The following NDST3 variants were observed in gnomAD, a reference collection of about 807,000 sequenced individuals.
NDST3 encodes the protein N-deacetylase and N-sulfotransferase 3.
NDST3 carries 58 observed loss-of-function variants against 96.1 expected under a neutral mutation model. That is an observed-to-expected ratio of 0.60 (90% CI 0.49 to 0.75). NDST3 has a LOEUF of 0.75. Among genes scored for constraint, NDST3 ranks in the 30% least tolerant of loss-of-function variants. The pLI is 0.00. For missense variants in NDST3, 788 were observed against 1,034.2 expected, an observed-to-expected ratio of 0.76 and a Z score of 3.27; for synonymous variants, 333 against 359.7, an observed-to-expected ratio of 0.93 and a Z score of 0.84.
At chr4:118,172,559 A>G (rs1009470156) in intron 6 of NDST3, among the ~76,000 whole-genome samples, 6 of 152,224 alleles carry the variant, frequency 3.9e-5, no homozygotes, top group African/African-American at 7.2e-5. Flanking sequence ...CATAAATGGC[A>G]AAGTTTTAAA....
chr4:118,114,091 G>GA (rs1349185540), intron 3 of NDST3, among the ~76,000 whole-genome samples: 1 of 151,558 alleles, frequency 6.6e-6, no homozygotes, highest in Non-Finnish European at 1.5e-5. Context: ...GACCCTTAAG[G>GA]AAAAAAGAGT....
At chr4:118,096,861 T>G (rs1379588124) in intron 2 of NDST3, among the ~76,000 whole-genome samples, 1 of 151,924 alleles carries the variant, frequency 6.6e-6, no homozygotes, top group African/African-American at 2.4e-5. Flanking sequence ...GGAGAACTGG[T>G]AGTGTGCATT....
intron 2 of NDST3, among the ~76,000 whole-genome samples, chr4:118,103,116 A>C (rs1047045809): frequency 1.3e-5 from 2 of 152,140 alleles, no homozygotes; most frequent in Non-Finnish European, 2.9e-5. Context: ...TGTACATTAA[A>C]AATGCAATCA....
At chr4:118,037,525 T>C (rs1043385918) in intron 1 of NDST3, among the ~76,000 whole-genome samples, 1 of 152,172 alleles carries the variant, frequency 6.6e-6, no homozygotes, top group African/African-American at 2.4e-5. Flanking sequence ...TATACTACAT[T>C]GTCTCTCTAT....
intron 2 of NDST3, among the ~76,000 whole-genome samples, chr4:118,090,337 A>C (rs1728764509): frequency 6.6e-6 from 1 of 152,072 alleles, no homozygotes; most frequent in East Asian, 1.9e-4. Context: ...GCTTTGGGAA[A>C]TCTGTTTAGG....
chr4:118,221,398 TTA>T (rs1739532243), intron 6 of NDST3, among the ~76,000 whole-genome samples: 1 of 152,054 alleles, frequency 6.6e-6, no homozygotes, highest in African/African-American at 2.4e-5. Flanking sequence ...AAGGCATAGT[TTA>T]TAATAAATAA....
At chr4:118,155,024 T>A (rs990986442) in intron 6 of NDST3, among the ~76,000 whole-genome samples, 3 of 152,228 alleles carry the variant, frequency 2.0e-5, no homozygotes, top group African/African-American at 7.2e-5. Flanking sequence ...TCTAATGTAC[T>A]TTTAAAGAAC....
At chr4:118,176,438 C>A (rs1560698500) in intron 6 of NDST3, among the ~76,000 whole-genome samples, 1 of 151,996 alleles carries the variant, frequency 6.6e-6, no homozygotes, top group African/African-American at 2.4e-5. Context: ...ATTATCTAAC[C>A]TTTCATCTTG....
At chr4:118,226,066 T>C (rs1739860688) in intron 7 of NDST3, among the ~76,000 whole-genome samples, 1 of 152,056 alleles carries the variant, frequency 6.6e-6, no homozygotes, top group Non-Finnish European at 1.5e-5. Flanking sequence ...TTATTAAAAA[T>C]AAGCAGAAGT....
intron 2 of NDST3, among the ~76,000 whole-genome samples, chr4:118,086,375 C>T (rs569904922): frequency 2.0e-5 from 3 of 152,222 alleles, no homozygotes; most frequent in African/African-American, 7.2e-5. Context: ...GATCCAGATC[C>T]TCTTGTGTGC....
rs1036858354 is a variant in NDST3 at position 118,224,545 on chromosome 4, T to C, written c.1594T>C (p.Tyr532His). 3.1e-6 allele frequency: 5 copies of C among 1,612,710 alleles called. No individual in the cohort carries two copies. In the South Asian group the frequency reaches 3.3e-5, roughly 11 times the overall value. ...SNYGNDRLGLYTFVNLANFVK... is the reference protein window; with the variant it reads ...SNYGNDRLGLHTFVNLANFVK... ...CTATGGGAATGACCGACTGGGATTA[T>C]ATACATTTGTTAATCTGGCCAACTT... The change falls in exon 7 of 14, where the codon TAT (tyrosine) becomes CAT (histidine). Residue 532 changes from tyrosine (Y) to histidine (H), a missense_variant. By Grantham distance (83) the Tyr-to-His change is moderately conservative. This residue lies in a region of NDST3 where 490 missense variants were observed against 708.8 expected (regional missense o/e 0.69). Coordinates refer to ENST00000296499, the MANE Select transcript of NDST3 (RefSeq NM_004784.3).
intron 9 of NDST3, 119 bp from the exon 10 acceptor site, chr4:118,236,927 G>T (rs904982993): frequency 2.9e-6 from 2 of 687,926 alleles, no homozygotes; most frequent in Non-Finnish European, 4.4e-6. Context: ...GACAAATGCT[G>T]TAAAGAAAAA....
intron 2 of NDST3, among the ~76,000 whole-genome samples, chr4:118,100,143 A>C (rs1279351365): frequency 6.6e-6 from 1 of 152,018 alleles, no homozygotes; most frequent in African/African-American, 2.4e-5. Flanking sequence ...GAGCTAAGTA[A>C]AGCAGATGGC....
chr4:118,058,698 G>A (rs1578551082), intron 2 of NDST3, among the ~76,000 whole-genome samples: 2 of 150,246 alleles, frequency 1.3e-5, no homozygotes, highest in East Asian at 2.0e-4. Context: ...TTTTAGTGAC[G>A]TTCAAAATTT....
intron 12 of NDST3, among the ~76,000 whole-genome samples, chr4:118,252,836 A>C (rs533653753): frequency 6.6e-6 from 1 of 152,326 alleles, no homozygotes; most frequent in South Asian, 2.1e-4. Context: ...GGTTGCGGCG[A>C]GCCGAGATTG....
At chr4:118,247,470 T>C (rs1417154784) in intron 12 of NDST3, among the ~76,000 whole-genome samples, 2 of 152,014 alleles carry the variant, frequency 1.3e-5, no homozygotes, top group African/African-American at 4.8e-5. Flanking sequence ...GAGAATTGCT[T>C]GAACCCAGGA....
intron 13 of NDST3, among the ~76,000 whole-genome samples, chr4:118,254,009 C>T (rs972286537): frequency 6.6e-6 from 1 of 151,954 alleles, no homozygotes. Context: ...GGAAGGCCGA[C>T]GTGGGTGGAT....
intron 4 of NDST3, among the ~76,000 whole-genome samples, chr4:118,123,372 T>G (rs1316636171): frequency 6.6e-6 from 1 of 152,154 alleles, no homozygotes; most frequent in African/African-American, 2.4e-5. Flanking sequence ...CTCTGAGAAT[T>G]TGAGGCTGTC....
At chr4:118,171,180 T>C (rs190381594) in intron 6 of NDST3, among the ~76,000 whole-genome samples, 128 of 152,318 alleles carry the variant, frequency 8.4e-4, no homozygotes, top group African/African-American at 2.8e-3. Flanking sequence ...CCCTGCCTAC[T>C]CATTTCTTTC....
Sources: allele counts gnomAD v4.1 joint callset (sites outside exome capture counted in the v4.1 genomes callset), GRCh38; gene constraint gnomAD v4.1.1; regional missense constraint gnomAD v4.1.1; transcripts MANE v1.5; gene names NCBI Gene and HGNC (gene_info 2026-07-23, HGNC 2026-07-21).